GIT1: variants seen among roughly 807,000 people sequenced by gnomAD.
The protein encoded by GIT1 is GIT ArfGAP 1, also known as ARF GTPase-activating protein GIT1.
GIT1 carries 14 observed loss-of-function variants against 91.7 expected under a neutral mutation model. The ratio of observed to expected loss-of-function variants is 0.15; its 90% CI spans 0.10 to 0.24. GIT1 has a LOEUF of 0.24. Ranked by LOEUF, GIT1 falls within the 10% of genes least tolerant of loss-of-function variation. The pLI, the probability that GIT1 is intolerant of heterozygous loss-of-function variation, is 1.00. For missense variants in GIT1, 717 were observed against 1,024.9 expected (o/e 0.70, Z 4.10); for synonymous variants, 414 against 418.2 (o/e 0.99, Z 0.12).
Position 29,576,938 on chromosome 17 carries a change from G to A in GIT1, c.1152C>T (p.Asp384=). Residue 384 remains aspartate (D), a synonymous_variant, in exon 12 of 20, where the codon GAC becomes GAT. Coordinates refer to ENST00000225394, the MANE Select transcript of GIT1 (RefSeq NM_014030.4). Reference sequence around the variant, plus strand: ...CTGTGTCCTCGTCAGAGGCCACGCTGTCGTAGTCGTGTTGGTCGTCGAGGT... The same window carrying A: ...CTGTGTCCTCGTCAGAGGCCACGCTATCGTAGTCGTGTTGGTCGTCGAGGT... ...QSDLDDQHDY[D]SVASDEDTDQ... The A allele has an allele frequency of 6.3e-7, 1 of 1,594,680 alleles. No individual in the cohort carries two copies. The highest frequency in any genetic ancestry group is 1.1e-5 in the South Asian group (1 of 90,036).
intron 10 of GIT1, 29 bp from the exon 11 acceptor site, chr17:29,577,276 T>C (rs753336063): frequency 6.3e-7 from 1 of 1,583,014 alleles, no homozygotes; most frequent in Admixed American, 1.7e-5. Flanking sequence ...CAGGCTGGCT[T>C]CAGGGGACCC....
Position 29,575,069 on chromosome 17 carries a change from GC to G in GIT1, c.2073+9del. On this transcript the variant is annotated intron_variant, in intron 19 of 19. Coordinates refer to ENST00000225394, the MANE Select transcript of GIT1 (RefSeq NM_014030.4). This position sits in a 1 kb window ranked among gnomAD's most constrained non-coding sequence, Gnocchi z 5.5. The stretch of plus-strand genomic sequence containing the variant: ...CCTCCCACTCCTGGTCCTCTCTTTG[GC>G]CCCTGTACCTTTGGGAAGAGGGAGG... 1 of 1,581,878 alleles carries G rather than the reference GC, an allele frequency of 6.3e-7. No homozygotes were observed.
chr17:29,579,026 C>G (rs756533829), intron 7 of GIT1: 1 of 1,605,570 alleles, frequency 6.2e-7, no homozygotes, highest in South Asian at 1.1e-5. Flanking sequence ...AAGAACAGGA[C>G]AGAGGCGGCA....
At position 29,577,703 on chromosome 17, in the gene GIT1, T is replaced by C. The variant is rs1429171461; in HGVS notation, c.923A>G (p.Glu308Gly). 1 of 1,612,878 alleles carries C rather than the reference T, an allele frequency of 6.2e-7. No homozygotes were observed. The highest frequency in any genetic ancestry group is 1.3e-5 in the African/African-American group (1 of 74,982). Reference protein sequence around the residue: ...ATQNHSTLVTERSAVPFLPVN... With the variant: ...ATQNHSTLVTGRSAVPFLPVN... ...AGGCAGGAAGGGCACGGCACTGCGC[T>C]CTGTCACCAGAGTGCTGTGGTTTTG... The change falls in exon 10 of 20, where the codon GAG becomes GGG. Residue 308 changes from glutamate to glycine, a missense_variant. By Grantham distance (98) the Glu-to-Gly change is moderately conservative. Coordinates refer to ENST00000225394, the MANE Select transcript of GIT1 (RefSeq NM_014030.4).
At chr17:29,579,432 C>T (rs1489194783) in intron 7 of GIT1, 1 of 195,448 alleles carries the variant, frequency 5.1e-6, no homozygotes, top group African/African-American at 2.3e-5. Context: ...GCATATGGCA[C>T]ACTCCAAACA....
intron 1 of GIT1, among the ~76,000 whole-genome samples, chr17:29,586,530 C>T (rs539183884): frequency 1.8e-4 from 27 of 152,270 alleles, no homozygotes; most frequent in African/African-American, 6.5e-4. Context: ...CATTGACACA[C>T]ACAAATTCTA....
rs757419252 is a variant in GIT1 at position 29,575,812 on chromosome 17, C to T, written c.1752G>A (p.Thr584=). The part of the protein sequence containing the change: ...LSCSQEGSRH[T]SKLSRHGSGA... Reference sequence around the variant, plus strand: ...TGGGCACTGGGCATGGAAACATTACCGTGTGGCGGCTTCCCTCCTGGGAGC... The same window carrying T: ...TGGGCACTGGGCATGGAAACATTACTGTGTGGCGGCTTCCCTCCTGGGAGC... Residue 584 remains threonine, a splice_region_variant and synonymous_variant, in exon 16 of 20, where the codon ACG becomes ACA. Coordinates refer to ENST00000225394, the MANE Select transcript of GIT1 (RefSeq NM_014030.4). The surrounding 1 kb of genome is among the most constrained non-coding windows in gnomAD (Gnocchi z 5.5). 13 of 1,612,844 alleles carry T rather than the reference C, an allele frequency of 8.1e-6. No individual in the cohort carries two copies. Among genetic ancestry groups the T allele is most frequent in the African/African-American group, 1.3e-5 (1 of 74,904 alleles).
At chr17:29,583,913 G>C (rs2033491963) in intron 1 of GIT1, 1 of 419,668 alleles carries the variant, frequency 2.4e-6, no homozygotes, top group Non-Finnish European at 4.3e-6. Flanking sequence ...ACTGCTACCA[G>C]TCTCTCAGCC....
Position 29,575,160 on chromosome 17 carries a change from G to A in GIT1, c.2010-18C>T. The A allele has an allele frequency of 6.3e-7, 1 of 1,587,040 alleles. No individual in the cohort carries two copies. Among genetic ancestry groups the A allele is most frequent in the South Asian group, 1.1e-5 (1 of 88,834 alleles). The stretch of plus-strand genomic sequence containing the variant: ...GCACGAAGCTGCGGGGAGAAGGGAG[G>A]CTATAAAGCAGGGGGCTCTCAAGGG... On this transcript the variant is annotated intron_variant, in intron 18 of 19. Coordinates refer to ENST00000225394, the MANE Select transcript of GIT1 (RefSeq NM_014030.4). The surrounding 1 kb of genome is among the most constrained non-coding windows in gnomAD (Gnocchi z 5.5).
intron 9 of GIT1, 21 bp from the exon 10 acceptor site, chr17:29,577,763 C>A: frequency 6.7e-7 from 1 of 1,494,582 alleles, no homozygotes; most frequent in Non-Finnish European, 9.3e-7. Flanking sequence ...CGGACAGGAG[C>A]AGATCAGCCA....
intron 4 of GIT1, 83 bp downstream of exon 4, chr17:29,582,615 T>C (rs1191624842): frequency 2.1e-6 from 2 of 951,868 alleles, no homozygotes; most frequent in Non-Finnish European, 1.7e-6. Context: ...CAGGGCTCAG[T>C]GGGGACAAAG....
chr17:29,585,008 G>C (rs1300035537), intron 1 of GIT1, among the ~76,000 whole-genome samples: 1 of 145,824 alleles, frequency 6.9e-6, no homozygotes, highest in Admixed American at 7.0e-5. Context: ...TGTCGCCCAG[G>C]CTGGAGTGCA....
intron 1 of GIT1, among the ~76,000 whole-genome samples, chr17:29,587,717 G>C (rs1489395663): frequency 1.3e-5 from 2 of 152,146 alleles, no homozygotes; most frequent in Non-Finnish European, 2.9e-5. Flanking sequence ...TCTGAATTGA[G>C]GAAGCTGAGG....
intron 4 of GIT1, among the ~76,000 whole-genome samples, chr17:29,582,415 G>A (rs563682687): frequency 4.6e-4 from 70 of 152,360 alleles, no homozygotes; most frequent in South Asian, 1.4e-3. Flanking sequence ...TTTTACAGAT[G>A]AGTAAACTGA....
Position 29,589,604 on chromosome 17 carries a change from T to C in GIT1, c.-226A>G, listed in dbSNP as rs1190612766. The C allele has an allele frequency of 1.4e-5, 2 of 147,598 alleles. No homozygotes were observed. Among genetic ancestry groups the C allele is most frequent in the African/African-American group, 5.0e-5 (2 of 40,366 alleles). The allele number at this position is 147,598 out of a possible 1,614,324, so 9.1% of individuals were successfully genotyped here. A position where few individuals can be genotyped will look rare whatever the true frequency, so the allele number is the denominator to read the frequency against. On this transcript the variant is annotated 5_prime_UTR_variant, in exon 1 of 20. Transcript: ENST00000225394. This position sits in a 1 kb window ranked among gnomAD's most constrained non-coding sequence, Gnocchi z 5.2. ...CCGCCCCGCGCCGCCCCGCCGCCGC[T>C]CGCGGCTCCTCTCTCCGCCCCCTGC...
rs780495303 is a variant in GIT1 at position 29,575,831 on chromosome 17, T to A, written c.1733A>T (p.Gln578Leu). The A allele has an allele frequency of 6.2e-7, 1 of 1,612,732 alleles. No homozygotes were observed. Among genetic ancestry groups the A allele is most frequent in the Non-Finnish European group, 8.5e-7 (1 of 1,179,438 alleles). ...CATTACCGTGTGGCGGCTTCCCTCC[T>A]GGGAGCAGGACAGCAGCGGGGAGGA... ...TPSSPLLSCS[Q>L]EGSRHTSKLS... Residue 578 changes from glutamine to leucine, a missense_variant, in exon 16 of 20, where the codon CAG (glutamine) becomes CTG (leucine). Gln to Leu is a moderately radical substitution (Grantham distance 113). Transcript: ENST00000225394. This position sits in a 1 kb window ranked among gnomAD's most constrained non-coding sequence, Gnocchi z 5.5.
rs1307540333 is a variant in GIT1, at chr17:29,577,663, G to A, written c.963C>T (p.Tyr321=). 2 of 1,609,954 alleles carry A rather than the reference G, an allele frequency of 1.2e-6. No individual in the cohort carries two copies. Among genetic ancestry groups the A allele is most frequent in the East Asian group, 2.2e-5 (1 of 44,812 alleles). ...AVPFLPVNPE[Y]SATRNQGRQK... is the part of the protein sequence containing the mutation. Reference sequence around the variant, plus strand: ...CCCTCACCTGATTCCGCGTGGCTGAGTATTCCGGGTTAACAGGCAGGAAGG... The same window carrying A: ...CCCTCACCTGATTCCGCGTGGCTGAATATTCCGGGTTAACAGGCAGGAAGG... The change falls in exon 10 of 20, where the codon TAC becomes TAT. Residue 321 remains tyrosine (Y), a synonymous_variant. Transcript: ENST00000225394.
At chr17:29,585,694 C>G (rs1296303819) in intron 1 of GIT1, among the ~76,000 whole-genome samples, 1 of 152,212 alleles carries the variant, frequency 6.6e-6, no homozygotes, top group African/African-American at 2.4e-5. Context: ...CCACCCTAAC[C>G]ATTCTGTCTC....
At chr17:29,586,982 A>G (rs2033614233) in intron 1 of GIT1, among the ~76,000 whole-genome samples, 1 of 152,130 alleles carries the variant, frequency 6.6e-6, no homozygotes, top group South Asian at 2.1e-4. Flanking sequence ...CAGAGGGAGG[A>G]TGGGGCTCTC....
Sources: gnomAD v4.1 joint callset for allele counts (sites outside exome capture counted in the v4.1 genomes callset) on GRCh38, gnomAD v4.1.1 for gene constraint, Gnocchi (gnomAD v3.1) non-coding constraint, MANE v1.5 for transcripts, NCBI Gene and HGNC (gene_info 2026-07-23, HGNC 2026-07-21) for gene names.